IMPA2: variants seen among roughly 807,000 people sequenced by gnomAD.
IMPA2 encodes inositol monophosphatase 2.
In IMPA2, 32 loss-of-function variants were observed where a neutral mutation model predicts 35.1. That is an observed-to-expected ratio of 0.91 (90% CI 0.69 to 1.23). The LOEUF is 1.23. Among genes scored for constraint, IMPA2 ranks in the 50% most tolerant of loss-of-function variants. The pLI is 0.00. For synonymous variants in IMPA2, 135 were observed against 160.6 expected (o/e 0.84, Z 1.20); for missense variants, 334 against 387.6 (o/e 0.86, Z 1.16).
chr18:12,019,982 T>C (rs1907683678), intron 5 of IMPA2, among the ~76,000 whole-genome samples: 1 of 152,128 alleles, frequency 6.6e-6, no homozygotes, highest in African/African-American at 2.4e-5. Context: ...TTTAAGCAAT[T>C]CTCCTGCCTC....
chr18:12,019,227 T>G (rs1907662538), intron 5 of IMPA2, among the ~76,000 whole-genome samples: 1 of 152,092 alleles, frequency 6.6e-6, no homozygotes, highest in Non-Finnish European at 1.5e-5. Context: ...GCATTTTTGT[T>G]TGATATCAAA....
At chr18:12,022,941 A>ATTTTTTTTTTTTTTT (rs35737614) in intron 5 of IMPA2, among the ~76,000 whole-genome samples, 91 of 81,698 alleles carry the variant, frequency 1.1e-3, no homozygotes, top group Non-Finnish European at 1.5e-3. Flanking sequence ...CGCCTGCCTA[A>ATTTTTTTTTTTTTTT]TTTTTTTTTT....
At chr18:12,029,017 G>T (rs1311123234) in intron 7 of IMPA2, 24 bp downstream of exon 7, 1 of 1,607,424 alleles carries the variant, frequency 6.2e-7, no homozygotes, top group Non-Finnish European at 8.5e-7. Context: ...TCCCTGAAAT[G>T]CAGCGGCAGA....
chr18:12,022,528 A>AAAATATATATATATATATATAT lies in IMPA2; in HGVS notation c.491-5514_491-5513insAATATATATATATATATATATA, dbSNP rs68185380. Among the ~76,000 whole-genome samples the AAAATATATATATATATATATAT allele has an allele frequency of 2.4e-3, 232 of 96,752 alleles. 6 individuals are homozygous for AAAATATATATATATATATATAT. Among genetic ancestry groups the AAAATATATATATATATATATAT allele is most frequent in the African/African-American group, 9.6e-3 (222 of 23,106 alleles). 63.5% of individuals were successfully genotyped at this position (96,752 alleles called of 152,430 possible). ...CAGAATGGGGCTCCATCTCAAAAAGAATATATATATATATATATATATATA... is the reference window on the plus strand; with the variant it reads ...CAGAATGGGGCTCCATCTCAAAAAGAAAATATATATATATATATATATATATATATATATATATATATATATA... On this transcript the variant is annotated intron_variant, in intron 5 of 7. Coordinates refer to ENST00000269159, the MANE Select transcript of IMPA2 (RefSeq NM_014214.3).
At chr18:12,029,121 T>TTG in intron 7 of IMPA2, 128 bp downstream of exon 7, 2 of 916,458 alleles carry the variant, frequency 2.2e-6, no homozygotes, top group Non-Finnish European at 3.2e-6. Context: ...TTTTTTTTTT[T>TTG]TTTTTTTTTT....
At chr18:12,014,733 TTGCCCAGGCACTGC>T (rs1440470531) in intron 5 of IMPA2, among the ~76,000 whole-genome samples, 1 of 152,134 alleles carries the variant, frequency 6.6e-6, no homozygotes, top group Non-Finnish European at 1.5e-5. Flanking sequence ...GGTCCCGATT[TTGCCCAGGCACTGC>T]TGCCCAGGTG....
chr18:11,981,746 T>TGGCGCTGCGGGCAGGACAGGTG lies in IMPA2; in HGVS notation c.78_96+3dup. On this transcript the variant is annotated frameshift_variant, in exon 1 of 8. Coordinates refer to ENST00000269159, the MANE Select transcript of IMPA2 (RefSeq NM_014214.3). LOFTEE classifies it high-confidence loss of function. ...GAGTGCTTCCAGGCGGCCGTGCAGC[T>TGGCGCTGCGGGCAGGACAGGTG]GGCGCTGCGGGCAGGACAGGTGAGC... 6 of 1,228,070 alleles carry TGGCGCTGCGGGCAGGACAGGTG rather than the reference T, an allele frequency of 4.9e-6. No homozygotes were observed. The highest frequency in any genetic ancestry group is 6.1e-6 in the Non-Finnish European group (6 of 985,540). 76.1% of individuals were successfully genotyped at this position (1,228,070 alleles called of 1,614,324 possible).
intron 5 of IMPA2, among the ~76,000 whole-genome samples, chr18:12,020,928 A>G (rs1306149361): frequency 7.1e-6 from 1 of 140,612 alleles, no homozygotes; most frequent in Non-Finnish European, 1.5e-5. Context: ...TTTTCTTAGG[A>G]TAATTGTGTG....
intron 2 of IMPA2, among the ~76,000 whole-genome samples, chr18:12,002,809 T>G (rs1337735422): frequency 6.7e-6 from 1 of 149,738 alleles, no homozygotes; most frequent in Non-Finnish European, 1.5e-5. Flanking sequence ...CCTTGCAGAC[T>G]GTTGGTGAGA....
intron 7 of IMPA2, among the ~76,000 whole-genome samples, chr18:12,030,141 C>T (rs193054620): frequency 0.012 from 1,807 of 152,356 alleles, 27 homozygotes; most frequent in African/African-American, 0.039. Context: ...TGCATTCACA[C>T]TGGGGTGGGG....
intron 2 of IMPA2, among the ~76,000 whole-genome samples, chr18:11,999,730 G>A (rs1240945695): frequency 6.6e-6 from 1 of 152,262 alleles, no homozygotes; most frequent in Non-Finnish European, 1.5e-5. Flanking sequence ...CCCCAGAGCT[G>A]TCCCTGCAAG....
chr18:12,029,105 TC>T, intron 7 of IMPA2, 112 bp downstream of exon 7: 1 of 767,428 alleles, frequency 1.3e-6, no homozygotes, highest in Non-Finnish European at 1.9e-6. Flanking sequence ...CCCCAGAGTT[TC>T]TGTTTTTTTT....
In IMPA2 at chr18:11,998,765, G is replaced by A. The variant is rs192327840; in HGVS notation, c.97-289G>A. Among the ~76,000 whole-genome samples the A allele has an allele frequency of 2.0e-5, 3 of 152,192 alleles. No individual in the cohort carries two copies. In the East Asian group the frequency reaches 5.8e-4, roughly 29 times the overall value. ...TTCACAGGTGCAACAAAATAATTTT[G>A]AAATAATTTCAAGTAATGGAGAAAT... On this transcript the variant is annotated intron_variant, in intron 1 of 7. Transcript: ENST00000269159.
chr18:12,007,670 T>TCTTTCTTTCTTTC (rs764225886), intron 2 of IMPA2, among the ~76,000 whole-genome samples: 211 of 97,912 alleles, frequency 2.2e-3, no homozygotes, highest in Middle Eastern at 8.8e-3. Context: ...TTTCTTTCTT[T>TCTTTCTTTCTTTC]CTTTCTTTCC....
chr18:11,990,982 GA>G (rs1906796833), intron 1 of IMPA2, among the ~76,000 whole-genome samples: 1 of 152,222 alleles, frequency 6.6e-6, no homozygotes, highest in South Asian at 2.1e-4. Flanking sequence ...CGGGGCAGAA[GA>G]AGCGCTCTGT....
chr18:12,030,436 A>G lies in IMPA2; in HGVS notation c.845A>G (p.Tyr282Cys), dbSNP rs779010002. ...LIAQALQTIN[Y>C]GRDDEK is the part of the protein sequence containing the mutation. ...GCTCAGGCCTTACAGACGATTAACTATGGGCGGGATGATGAGAAGTGACTG... is the reference window on the plus strand; with the variant it reads ...GCTCAGGCCTTACAGACGATTAACTGTGGGCGGGATGATGAGAAGTGACTG... The change falls in exon 8 of 8, where the codon TAT becomes TGT. Residue 282 changes from tyrosine to cysteine, a missense_variant. Coordinates refer to ENST00000269159, the MANE Select transcript of IMPA2 (RefSeq NM_014214.3). The G allele has an allele frequency of 3.7e-6, 6 of 1,613,956 alleles. No individual in the cohort carries two copies. The highest frequency in any genetic ancestry group is 5.1e-6 in the Non-Finnish European group (6 of 1,179,942).
intron 5 of IMPA2, among the ~76,000 whole-genome samples, chr18:12,015,649 C>T (rs1469053888): frequency 6.6e-6 from 1 of 152,220 alleles, no homozygotes; most frequent in Non-Finnish European, 1.5e-5. Flanking sequence ...TTGGACTCAC[C>T]AGTTAGAGCT....
Position 12,010,077 on chromosome 18 carries a change from C to A in IMPA2, c.335+90C>A. 1.1e-6 allele frequency: 1 copy of A among 910,324 alleles called. No individual in the cohort carries two copies. Among genetic ancestry groups the A allele is most frequent in the Non-Finnish European group, 1.8e-6 (1 of 560,352 alleles). 56.4% of individuals were successfully genotyped at this position (910,324 alleles called of 1,614,324 possible). On this transcript the variant is annotated intron_variant, in intron 3 of 7. Transcript: ENST00000269159. This position sits in a 1 kb window ranked among gnomAD's most constrained non-coding sequence, Gnocchi z 4.8. ...TTTTCAAAAGCAGCATTTTTTAAGG[C>A]AGGAATATATAAACAAACCTATAGT...
chr18:12,023,311 A>G lies in IMPA2; in HGVS notation c.491-4732A>G, dbSNP rs561571824. 1.2e-4 allele frequency among the ~76,000 whole-genome samples: 19 copies of G among 152,196 alleles called. No homozygotes were observed. In the South Asian group the frequency reaches 3.7e-3, roughly 30 times the overall value. On this transcript the variant is annotated intron_variant, in intron 5 of 7. Transcript: ENST00000269159. The stretch of plus-strand genomic sequence containing the variant: ...AATGGCTCCATGGCCTGAGCAGCTC[A>G]TGTCGCTTCTCCAAGCTTGGGTTTC...
Sources: allele counts gnomAD v4.1 joint callset (sites outside exome capture counted in the v4.1 genomes callset), GRCh38; gene constraint gnomAD v4.1.1; non-coding constraint Gnocchi (gnomAD v3.1); transcripts MANE v1.5; gene names NCBI Gene and HGNC (gene_info 2026-07-23, HGNC 2026-07-21).